ARHGEF10L: variants seen among roughly 807,000 people sequenced by gnomAD.
ARHGEF10L encodes the protein Rho guanine nucleotide exchange factor 10 like.
A neutral mutation model predicts 141.2 loss-of-function variants in ARHGEF10L; 69 were observed. The ratio of observed to expected loss-of-function variants is 0.49; its 90% CI spans 0.40 to 0.60. The LOEUF (loss-of-function observed/expected upper bound fraction) is 0.60. ARHGEF10L is among the 20% of genes least tolerant of loss of function. The pLI, the probability that ARHGEF10L is intolerant of heterozygous loss-of-function variation, is 0.00. For missense variants in ARHGEF10L, 1,482 were observed against 1,734.3 expected (o/e 0.85, Z 2.58); for synonymous variants, 711 against 718.5 (o/e 0.99, Z 0.17).
rs1463624736 is a variant in ARHGEF10L at position 17,632,324 on chromosome 1, T to C, written c.1588T>C (p.Leu530=). The part of the protein sequence containing the change: ...VSDRSSLNKL[L]TSGQRQLLLC... ...ACCTTCCCTGCCCCTCCTCCAGCTG[T>C]TGACCTCAGGCCAGCGGCAGCTGCT... The change falls in exon 16 of 29, where the codon TTG becomes CTG. Residue 530 remains leucine (L), a synonymous_variant. Coordinates refer to ENST00000361221, the MANE Select transcript of ARHGEF10L (RefSeq NM_018125.4). The C allele has an allele frequency of 1.9e-6, 3 of 1,613,842 alleles. No homozygotes were observed. The African/African-American group carries it at 4.0e-5, about 22-fold the overall frequency.
rs1370947885 is a variant in ARHGEF10L at position 17,687,675 on chromosome 1, C to A, written c.3112C>A (p.Leu1038Ile). The A allele has an allele frequency of 6.2e-7, 1 of 1,612,154 alleles. No homozygotes were observed. The highest frequency in any genetic ancestry group is 1.7e-5 in the Admixed American group (1 of 59,856). The change falls in exon 27 of 29, where the codon CTC becomes ATC. Residue 1038 changes from leucine (L) to isoleucine (I), a missense_variant. This residue lies in a region of ARHGEF10L where 858 missense variants were observed against 966.3 expected (regional missense o/e 0.89). Transcript: ENST00000361221. ...MAFSSGTSIR[L>I]FHTETLEHLQ... ...CTTCTCCTCCGGCACCTCCATCCGC[C>A]TCTTCCACACTGAGACCCTGGAGCA...
chr1:17,594,238 C>T (rs939553729), intron 4 of ARHGEF10L, among the ~76,000 whole-genome samples: 14 of 152,028 alleles, frequency 9.2e-5, no homozygotes, highest in African/African-American at 2.4e-4. Context: ...ACAGGACAGG[C>T]GCTGATACAA....
At chr1:17,667,961 G>T (rs914278802) in intron 26 of ARHGEF10L, among the ~76,000 whole-genome samples, 1 of 152,194 alleles carries the variant, frequency 6.6e-6, no homozygotes, top group African/African-American at 2.4e-5. Context: ...TGCTTCAGAC[G>T]GGACCGTAGC....
intron 21 of ARHGEF10L, among the ~76,000 whole-genome samples, chr1:17,646,643 C>A (rs2061617737): frequency 1.3e-5 from 2 of 152,116 alleles, no homozygotes; most frequent in South Asian, 2.1e-4. Context: ...CAGGGAGTAG[C>A]TGTGAGAGGT....
chr1:17,684,297 T>G (rs1358022065), intron 26 of ARHGEF10L, among the ~76,000 whole-genome samples: 1 of 152,198 alleles, frequency 6.6e-6, no homozygotes, highest in East Asian at 1.9e-4. Flanking sequence ...CATGTTTCCT[T>G]GAAGGAACAT....
intron 1 of ARHGEF10L, among the ~76,000 whole-genome samples, chr1:17,551,797 C>T (rs1330581908): frequency 2.0e-5 from 3 of 152,134 alleles, no homozygotes; most frequent in African/African-American, 7.2e-5. Context: ...GGTCTCCCAG[C>T]GTGCCAGGTC....
intron 1 of ARHGEF10L, among the ~76,000 whole-genome samples, chr1:17,566,615 T>C (rs920898812): frequency 6.6e-6 from 1 of 152,186 alleles, no homozygotes; most frequent in Non-Finnish European, 1.5e-5. Context: ...CAGGTGTTCA[T>C]GTGCCCTGTT....
chr1:17,548,732 T>C (rs1254943055), intron 1 of ARHGEF10L, among the ~76,000 whole-genome samples: 1 of 142,994 alleles, frequency 7.0e-6, no homozygotes, highest in Non-Finnish European at 1.5e-5. Flanking sequence ...CACTGCATCC[T>C]CTGCCTCCTG....
intron 18 of ARHGEF10L, 73 bp from the exon 19 acceptor site, chr1:17,637,815 T>A: frequency 1.4e-6 from 2 of 1,397,042 alleles, no homozygotes; most frequent in Non-Finnish European, 2.0e-6. Context: ...CTGGATCTTT[T>A]TTGTTGTGAG....
chr1:17,590,672 C>T (rs934718418), intron 4 of ARHGEF10L, among the ~76,000 whole-genome samples: 1 of 152,080 alleles, frequency 6.6e-6, no homozygotes, highest in Non-Finnish European at 1.5e-5. Context: ...GTCTGTGTTC[C>T]ATGGAAGCAA....
At chr1:17,571,690 C>T (rs1246193986) in intron 1 of ARHGEF10L, among the ~76,000 whole-genome samples, 7 of 152,112 alleles carry the variant, frequency 4.6e-5, no homozygotes, top group African/African-American at 1.7e-4. Flanking sequence ...CCCGTCACCA[C>T]TCCCGGCTAA....
In ARHGEF10L at chr1:17,589,163, T is replaced by C. The variant is rs1044042035; in HGVS notation, c.257+684T>C. Among the ~76,000 whole-genome samples, 3 of 152,216 alleles carry C rather than the reference T, an allele frequency of 2.0e-5. No individual in the cohort carries two copies. The South Asian group carries it at 6.2e-4, about 32-fold the overall frequency. ...TGTCAGTCAAGTCCCCCTTTGGTTT[T>C]CTCATCTGTAAAATGGGCTATCGGG... On this transcript the variant is annotated intron_variant, in intron 4 of 28. Transcript: ENST00000361221.
chr1:17,593,811 C>G (rs144102781), intron 4 of ARHGEF10L, among the ~76,000 whole-genome samples: 2 of 151,964 alleles, frequency 1.3e-5, no homozygotes, highest in Non-Finnish European at 2.9e-5. Flanking sequence ...AACACGACAG[C>G]CCTGGAAAGA....
chr1:17,572,720 C>T (rs2078055121), intron 1 of ARHGEF10L, among the ~76,000 whole-genome samples: 2 of 152,162 alleles, frequency 1.3e-5, no homozygotes, highest in South Asian at 4.1e-4. Flanking sequence ...TTCTTTGTCC[C>T]CAGTGCCAAG....
chr1:17,642,859 G>A (rs1027098972), intron 21 of ARHGEF10L, among the ~76,000 whole-genome samples: 2 of 152,154 alleles, frequency 1.3e-5, no homozygotes, highest in African/African-American at 2.4e-5. Flanking sequence ...AGAAGTGCCC[G>A]AGCCCCATGT....
Position 17,613,281 on chromosome 1 carries a change from C to T in ARHGEF10L, c.726+107C>T, listed in dbSNP as rs1045497425. 4 of 886,882 alleles carry T rather than the reference C, an allele frequency of 4.5e-6. No homozygotes were observed. In the African/African-American group the frequency reaches 5.0e-5, roughly 11 times the overall value. The allele number at this position is 886,882 out of a possible 1,614,324, so 54.9% of individuals were successfully genotyped here. On this transcript the variant is annotated intron_variant, in intron 8 of 28. Coordinates refer to ENST00000361221, the MANE Select transcript of ARHGEF10L (RefSeq NM_018125.4). The stretch of plus-strand genomic sequence containing the variant: ...GGTACCACGAAGCCTACCAGGCCCA[C>T]CCTTGAGTCCCAGGGCTGTCCTGAG...
Position 17,697,195 on chromosome 1 carries a change from A to G in ARHGEF10L, c.3655A>G (p.Ile1219Val), listed in dbSNP as rs2270976. ...TTACGAGATGGCCGACGACCCCGAC[A>G]TCTGGGTGCGCAGCCGGCCCTGCGC... Reference protein sequence around the residue: ...SIYEMADDPDIWVRSRPCARD... With the variant: ...SIYEMADDPDVWVRSRPCARD... Residue 1219 changes from isoleucine to valine, a missense_variant, in exon 29 of 29, where the codon ATC becomes GTC. This residue lies in a region of ARHGEF10L where 858 missense variants were observed against 966.3 expected (regional missense o/e 0.89). Transcript: ENST00000361221. This position sits in a 1 kb window ranked among gnomAD's most constrained non-coding sequence, Gnocchi z 4.8. 0.83 allele frequency: 1,334,965 copies of G among 1,611,918 alleles called. 554,262 individuals carry two copies. Among genetic ancestry groups the G allele is most frequent in the East Asian group, 0.9 (40,495 of 44,850 alleles).
chr1:17,669,069 G>A (rs1259500810), intron 26 of ARHGEF10L, among the ~76,000 whole-genome samples: 1 of 152,202 alleles, frequency 6.6e-6, no homozygotes, highest in Non-Finnish European at 1.5e-5. Context: ...GCTGTGCCTC[G>A]CGTGTGATGT....
intron 18 of ARHGEF10L, among the ~76,000 whole-genome samples, chr1:17,636,521 C>A (rs3753378): frequency 1.3e-5 from 2 of 152,106 alleles, no homozygotes; most frequent in Non-Finnish European, 2.9e-5. Context: ...GGATGTGGCT[C>A]AGGCCCTGGT....
Sources: allele counts gnomAD v4.1 joint callset (sites outside exome capture counted in the v4.1 genomes callset), GRCh38; gene constraint gnomAD v4.1.1; regional missense constraint gnomAD v4.1.1; non-coding constraint Gnocchi (gnomAD v3.1); transcripts MANE v1.5; gene names NCBI Gene and HGNC (gene_info 2026-07-23, HGNC 2026-07-21).